MYO3A: variants seen among roughly 807,000 people sequenced by gnomAD.
MYO3A encodes myosin IIIA, also known as myosin-IIIa.
MYO3A carries 180 observed loss-of-function variants against 192.7 expected under a neutral mutation model. The ratio of observed to expected loss-of-function variants is 0.93; its 90% CI spans 0.83 to 1.06. MYO3A has a LOEUF of 1.06. Ranked by LOEUF, MYO3A falls within the 50% of genes least tolerant of loss-of-function variation. The pLI, the probability that MYO3A is intolerant of heterozygous loss-of-function variation, is 0.00. For synonymous variants in MYO3A, 628 were observed against 645.3 expected (o/e 0.97, Z 0.41); for missense variants, 1,896 against 1,905.0 (o/e 1.00, Z 0.09).
At chr10:26,200,591 C>T (rs1589120814) in intron 32 of MYO3A, among the ~76,000 whole-genome samples, 2 of 152,192 alleles carry the variant, frequency 1.3e-5, no homozygotes, top group Non-Finnish European at 2.9e-5. Context: ...GTGAAACTTA[C>T]ATACAAAGGA....
chr10:25,949,214 A>C (rs528866383), intron 2 of MYO3A, among the ~76,000 whole-genome samples: 1 of 152,126 alleles, frequency 6.6e-6, no homozygotes, highest in Non-Finnish European at 1.5e-5. Context: ...AAAACTCATA[A>C]AAATACTTTG....
At chr10:26,109,340 C>T (rs188818704) in intron 17 of MYO3A, among the ~76,000 whole-genome samples, 281 of 152,342 alleles carry the variant, frequency 1.8e-3, no homozygotes, top group South Asian at 5.8e-3. Flanking sequence ...CTGTAGTCAA[C>T]TGCAGTTTGA....
At chr10:26,159,190 C>T (rs1390730624) in intron 26 of MYO3A, among the ~76,000 whole-genome samples, 1 of 150,628 alleles carries the variant, frequency 6.6e-6, no homozygotes, top group Non-Finnish European at 1.5e-5. Flanking sequence ...CGGGGTTTCA[C>T]CGTTTTAGCC....
In MYO3A at chr10:26,062,706, G is replaced by A. The variant is rs369068102; in HGVS notation, c.954-4269G>A. On this transcript the variant is annotated intron_variant, in intron 10 of 34. Transcript: ENST00000642920. ...AATTGAGGACTGTACACCTTAGGAT[G>A]ATAGAAGATGTGATCAACTGAGAAT... 5.3e-5 allele frequency among the ~76,000 whole-genome samples: 8 copies of A among 152,102 alleles called. No individual in the cohort carries two copies. The South Asian group carries it at 1.7e-3, about 32-fold the overall frequency.
chr10:25,977,291 C>G (rs1199531200), intron 4 of MYO3A, among the ~76,000 whole-genome samples: 2 of 152,166 alleles, frequency 1.3e-5, no homozygotes, highest in Admixed American at 1.3e-4. Context: ...CTTGAAGTTT[C>G]ATTCAGAAAA....
chr10:25,969,522 A>G (rs1466553897), intron 4 of MYO3A, among the ~76,000 whole-genome samples: 1 of 152,186 alleles, frequency 6.6e-6, no homozygotes, highest in Admixed American at 6.5e-5. Flanking sequence ...GTAGATAGTG[A>G]TAAGTTAAAG....
At chr10:26,083,303 A>G (rs978188393) in intron 14 of MYO3A, among the ~76,000 whole-genome samples, 2 of 152,218 alleles carry the variant, frequency 1.3e-5, no homozygotes, top group African/African-American at 4.8e-5. Context: ...TCCAGGTGGG[A>G]CAGAGTGGGG....
chr10:26,071,166 A>G (rs1207479468), intron 14 of MYO3A, among the ~76,000 whole-genome samples: 1 of 152,128 alleles, frequency 6.6e-6, no homozygotes, highest in Non-Finnish European at 1.5e-5. Context: ...TAAAGCTGCA[A>G]TAGTCAAGAC....
chr10:25,947,447 G>A (rs911423443), intron 2 of MYO3A, among the ~76,000 whole-genome samples: 6 of 136,668 alleles, frequency 4.4e-5, no homozygotes, highest in African/African-American at 1.4e-4. Context: ...AGGCTGGAGT[G>A]CAATGGCATG....
intron 31 of MYO3A, among the ~76,000 whole-genome samples, chr10:26,190,374 AGAATGTTAGATG>A (rs1843067689): frequency 6.6e-6 from 1 of 152,224 alleles, no homozygotes; most frequent in Admixed American, 6.5e-5. Context: ...TGTAGTGTAC[AGAATGTTAGATG>A]GAGAAGAATG....
chr10:26,102,253 C>T (rs1379717417), intron 17 of MYO3A, among the ~76,000 whole-genome samples: 2 of 152,162 alleles, frequency 1.3e-5, no homozygotes, highest in Non-Finnish European at 2.9e-5. Context: ...TCCATCAGAT[C>T]GTTTAAGGTC....
chr10:25,990,041 A>G (rs1392295960), intron 4 of MYO3A, among the ~76,000 whole-genome samples: 2 of 152,192 alleles, frequency 1.3e-5, no homozygotes, highest in Non-Finnish European at 2.9e-5. Flanking sequence ...TTTTTAATTA[A>G]TATTTGCTGC....
At position 26,125,456 on chromosome 10, in the gene MYO3A, T is replaced by G. The variant is rs1227082956; in HGVS notation, c.1962T>G (p.Cys654Trp). 6.2e-7 allele frequency: 1 copy of G among 1,614,080 alleles called. No homozygotes were observed. Among genetic ancestry groups the G allele is most frequent in the South Asian group, 1.1e-5 (1 of 91,080 alleles). ...DELQEALTSHCVVTRGETIIR... is the reference protein window; with the variant it reads ...DELQEALTSHWVVTRGETIIR... ...TACAAGAAGCTCTCACCTCCCACTG[T>G]GTGGTCACTAGAGGAGAAACAATTA... The change falls in exon 19 of 35, where the codon TGT (cysteine) becomes TGG (tryptophan). Residue 654 changes from cysteine (C) to tryptophan (W), a missense_variant. Coordinates refer to ENST00000642920, the MANE Select transcript of MYO3A (RefSeq NM_017433.5).
intron 21 of MYO3A, 105 bp from the exon 22 acceptor site, chr10:26,145,341 T>A: frequency 1.3e-6 from 1 of 761,042 alleles, no homozygotes; most frequent in Admixed American, 2.1e-5. Flanking sequence ...TATGTAAAAT[T>A]TTCTTTGTTC....
chr10:25,970,120 C>T (rs1000885243), intron 4 of MYO3A, among the ~76,000 whole-genome samples: 4 of 151,916 alleles, frequency 2.6e-5, no homozygotes, highest in African/African-American at 9.7e-5. Flanking sequence ...ATGGAAATTT[C>T]AAAATCATTT....
intron 10 of MYO3A, among the ~76,000 whole-genome samples, chr10:26,061,159 G>A (rs1588881934): frequency 6.6e-6 from 1 of 152,120 alleles, no homozygotes. Flanking sequence ...TCGATCTCCT[G>A]ACCTCATGAT....
At chr10:26,160,401 A>G (rs578206739) in intron 26 of MYO3A, among the ~76,000 whole-genome samples, 2 of 152,364 alleles carry the variant, frequency 1.3e-5, no homozygotes, top group South Asian at 4.1e-4. Context: ...AAGAAGAGGC[A>G]TTCAGCTAAT....
intron 31 of MYO3A, among the ~76,000 whole-genome samples, chr10:26,183,352 T>C (rs1428926181): frequency 6.6e-6 from 1 of 151,948 alleles, no homozygotes; most frequent in South Asian, 2.1e-4. Flanking sequence ...GTGAAACCCG[T>C]CTCTACTAAA....
chr10:26,105,512 T>C lies in MYO3A; in HGVS notation c.1776+8830T>C, dbSNP rs138236639. 6.3e-3 allele frequency among the ~76,000 whole-genome samples: 962 copies of C among 152,264 alleles called. 12 individuals are homozygous for C. Among genetic ancestry groups the C allele is most frequent in the African/African-American group, 0.022 (900 of 41,576 alleles). On this transcript the variant is annotated intron_variant, in intron 17 of 34. Coordinates refer to ENST00000642920, the MANE Select transcript of MYO3A (RefSeq NM_017433.5). ...TGCTTAGATTTACTCTTATGAATTG[T>C]ATATTTATATATGTTGCCCCTTTTA... is the stretch of plus-strand genomic sequence containing the variant.
Sources: gnomAD v4.1 joint callset for allele counts (sites outside exome capture counted in the v4.1 genomes callset) on GRCh38, gnomAD v4.1.1 for gene constraint, MANE v1.5 for transcripts, NCBI Gene and HGNC (gene_info 2026-07-23, HGNC 2026-07-21) for gene names.